PRKACB: variants seen among roughly 807,000 people sequenced by gnomAD.
PRKACB encodes protein kinase cAMP-activated catalytic subunit beta.
Under a neutral mutation model 51.4 loss-of-function variants are expected in PRKACB, and 16 were observed. The observed-to-expected ratio is 0.31, with a 90% confidence interval of 0.21 to 0.47. The LOEUF (loss-of-function observed/expected upper bound fraction) is 0.47, where lower values mean the gene tolerates loss of function less well. PRKACB is among the 20% of genes least tolerant of loss of function. PRKACB has a pLI of 1.00. For synonymous variants in PRKACB, 147 were observed against 154.4 expected, an observed-to-expected ratio of 0.95 and a Z score of 0.35; for missense variants, 309 against 464.5, an observed-to-expected ratio of 0.67 and a Z score of 3.08.
chr1:84,179,214 GA>G lies in PRKACB; in HGVS notation c.231del (p.Lys77AsnfsTer32). ...TAGCCAAAGCCAAAGAAGACTTTTT[GA>G]AAAAATGGGAGAATCCAACTCAGGT... ...FLAKAKEDFL[K>X]KWENPTQNNA... is the part of the protein sequence containing the mutation. On this transcript the variant is annotated frameshift_variant, in exon 2 of 10. Transcript: ENST00000370685. LOFTEE classifies it high-confidence loss of function. 1 of 1,578,464 alleles carries G rather than the reference GA, an allele frequency of 6.3e-7. No homozygotes were observed. Among genetic ancestry groups the G allele is most frequent in the Non-Finnish European group, 8.6e-7 (1 of 1,162,654 alleles).
At chr1:84,099,726 T>C (rs528437904) in intron 1 of PRKACB, among the ~76,000 whole-genome samples, 24 of 152,124 alleles carry the variant, frequency 1.6e-4, no homozygotes, top group African/African-American at 5.5e-4. Context: ...AGGATTTGTA[T>C]CATAATTCAC....
intron 1 of PRKACB, among the ~76,000 whole-genome samples, chr1:84,098,973 A>T (rs1649135990): frequency 1.3e-5 from 2 of 152,104 alleles, no homozygotes; most frequent in Non-Finnish European, 2.9e-5. Flanking sequence ...AAAGAGAGTG[A>T]GCTAAAAAGA....
At chr1:84,144,629 C>G in intron 1 of PRKACB, 81 bp downstream of exon 1, 1 of 1,369,968 alleles carries the variant, frequency 7.3e-7, no homozygotes, top group South Asian at 1.4e-5. Context: ...CATAAAGAAC[C>G]CTCTTTTGTT....
chr1:84,121,009 G>C (rs1333908667), intron 1 of PRKACB, among the ~76,000 whole-genome samples: 9 of 152,030 alleles, frequency 5.9e-5, no homozygotes, highest in Admixed American at 5.9e-4. Flanking sequence ...CTAATAGTTT[G>C]TCTTTAATGT....
At chr1:84,168,499 T>C (rs1295004532) in intron 1 of PRKACB, among the ~76,000 whole-genome samples, 1 of 151,560 alleles carries the variant, frequency 6.6e-6, no homozygotes, top group Non-Finnish European at 1.5e-5. Context: ...ATGAATCTGC[T>C]ATGAATTACA....
At chr1:84,215,000 G>T (rs1284543637) in intron 9 of PRKACB, among the ~76,000 whole-genome samples, 1 of 152,148 alleles carries the variant, frequency 6.6e-6, no homozygotes, top group Non-Finnish European at 1.5e-5. Context: ...TCCAGAATTG[G>T]CATGTGCCAG....
At chr1:84,081,159 T>C (rs1224188917) in intron 1 of PRKACB, among the ~76,000 whole-genome samples, 1 of 152,182 alleles carries the variant, frequency 6.6e-6, no homozygotes, top group Non-Finnish European at 1.5e-5. Flanking sequence ...GAAAGGCAGG[T>C]GATTCCAGAG....
chr1:84,212,241 A>G (rs987002184), intron 8 of PRKACB, among the ~76,000 whole-genome samples: 3 of 152,124 alleles, frequency 2.0e-5, no homozygotes, highest in African/African-American at 7.2e-5. Flanking sequence ...TTTCAGGCCC[A>G]ATGCCCCCAT....
chr1:84,199,175 A>C (rs1240038372), intron 7 of PRKACB, among the ~76,000 whole-genome samples: 1 of 150,788 alleles, frequency 6.6e-6, no homozygotes, highest in East Asian at 1.9e-4. Flanking sequence ...TTTTAGGTTC[A>C]GGGATACATG....
At chr1:84,140,259 C>T (rs562044560), upstream of PRKACB, among the ~76,000 whole-genome samples, 1 of 152,146 alleles carries the variant, frequency 6.6e-6, no homozygotes, top group East Asian at 1.9e-4. Flanking sequence ...TGCAATTCAA[C>T]AGTAAATGGA....
chr1:84,225,126 G>A (rs1384370899), intron 9 of PRKACB, among the ~76,000 whole-genome samples: 1 of 152,156 alleles, frequency 6.6e-6, no homozygotes, highest in East Asian at 1.9e-4. Context: ...CCCTATTGGT[G>A]CACACAGATA....
At chr1:84,120,919 G>A (rs1651014212) in intron 1 of PRKACB, among the ~76,000 whole-genome samples, 1 of 152,036 alleles carries the variant, frequency 6.6e-6, no homozygotes, top group African/African-American at 2.4e-5. Flanking sequence ...TCCCTGAGAA[G>A]TTTCTTTTGT....
intron 2 of PRKACB, 123 bp from the exon 3 acceptor site, chr1:84,182,077 A>G: frequency 2.7e-6 from 2 of 729,008 alleles, no homozygotes; most frequent in Non-Finnish European, 3.9e-6. Context: ...GCTTTTTTGT[A>G]TTGCATTTAA....
intron 4 of PRKACB, 38 bp downstream of exon 4, chr1:84,184,173 C>A: frequency 6.5e-7 from 1 of 1,536,898 alleles, no homozygotes; most frequent in South Asian, 1.3e-5. Context: ...TATTTTCAAC[C>A]TAAATTTTTT....
chr1:84,229,702 A>G (rs1232424830), intron 9 of PRKACB, among the ~76,000 whole-genome samples: 5 of 150,172 alleles, frequency 3.3e-5, no homozygotes, highest in Admixed American at 3.3e-4. Context: ...GCATTTTTTC[A>G]TGTGTTTTTT....
At chr1:84,213,765 A>G (rs544393765) in intron 8 of PRKACB, among the ~76,000 whole-genome samples, 1 of 152,288 alleles carries the variant, frequency 6.6e-6, no homozygotes, top group African/African-American at 2.4e-5. Flanking sequence ...TTCTATTTAT[A>G]TTACAAAGTT....
chr1:84,138,432 A>G (rs1653044878), intron 1 of PRKACB, among the ~76,000 whole-genome samples: 1 of 152,194 alleles, frequency 6.6e-6, no homozygotes, highest in South Asian at 2.1e-4. Context: ...GAAATAGACC[A>G]TTTCTTGAAA....
At position 84,219,583 on chromosome 1, in the gene PRKACB, G is replaced by C. The variant is rs1007965019; in HGVS notation, c.1071+5266G>C. On this transcript the variant is annotated intron_variant, in intron 9 of 9. Transcript: ENST00000370685. The stretch of plus-strand genomic sequence containing the variant: ...TTTCTTCTAGTATTGTTATGGTTTG[G>C]GGCCTTATTTTTAAGTACTTAATTC... Among the ~76,000 whole-genome samples the C allele has an allele frequency of 4.0e-5, 6 of 151,118 alleles. No homozygotes were observed. The Admixed American group carries it at 4.0e-4, about 10-fold the overall frequency.
chr1:84,177,093 TTTTC>T (rs1296916264), intron 1 of PRKACB, among the ~76,000 whole-genome samples: 1 of 152,022 alleles, frequency 6.6e-6, no homozygotes, highest in Non-Finnish European at 1.5e-5. Flanking sequence ...TCCCTTACTC[TTTTC>T]TTTGTCTCTA....
Sources: gnomAD v4.1 joint callset for allele counts (sites outside exome capture counted in the v4.1 genomes callset) on GRCh38, gnomAD v4.1.1 for gene constraint, MANE v1.5 for transcripts, NCBI Gene and HGNC (gene_info 2026-07-23, HGNC 2026-07-21) for gene names.